The following TRPM3 variants were observed in gnomAD, a reference collection of about 807,000 sequenced individuals.
TRPM3 encodes the protein long transient receptor potential channel 3.
In TRPM3, 77 loss-of-function variants were observed where a neutral mutation model predicts 181.2. The observed-to-expected ratio is 0.42, with a 90% CI of 0.35 to 0.51. TRPM3 has a LOEUF of 0.51. Ranked by LOEUF, TRPM3 falls within the 20% of genes least tolerant of loss-of-function variation. The pLI, the probability that TRPM3 is intolerant of heterozygous loss-of-function variation, is 0.01. For synonymous variants in TRPM3, 745 were observed against 796.4 expected, an observed-to-expected ratio of 0.94 and a Z score of 1.09; for missense variants, 1,759 against 2,196.7, an observed-to-expected ratio of 0.80 and a Z score of 3.98.
chr9:70,949,544 ATT>A (rs74311989), intron 1 of TRPM3, among the ~76,000 whole-genome samples: 3 of 144,022 alleles, frequency 2.1e-5, no homozygotes, highest in Admixed American at 7.0e-5. Flanking sequence ...TTTGAATGTA[ATT>A]TTTTTTTTTT....
chr9:70,778,526 A>T (rs895247990), intron 7 of TRPM3, among the ~76,000 whole-genome samples: 2 of 152,200 alleles, frequency 1.3e-5, no homozygotes, highest in Non-Finnish European at 2.9e-5. Flanking sequence ...TTGTCTGTAC[A>T]AGGTGTTTCC....
At chr9:71,314,895 G>C (rs538077994) in intron 1 of TRPM3, among the ~76,000 whole-genome samples, 1 of 151,778 alleles carries the variant, frequency 6.6e-6, no homozygotes, top group Admixed American at 6.6e-5. Context: ...TCAACGTTCA[G>C]AGGCAGCGTG....
chr9:71,019,983 A>G (rs2097829170), intron 1 of TRPM3, among the ~76,000 whole-genome samples: 2 of 152,182 alleles, frequency 1.3e-5, no homozygotes, highest in Non-Finnish European at 2.9e-5. Context: ...TTGGATACTC[A>G]CATGGGAAAA....
chr9:71,172,240 C>A (rs557413987), intron 1 of TRPM3, among the ~76,000 whole-genome samples: 1 of 152,110 alleles, frequency 6.6e-6, no homozygotes, highest in East Asian at 1.9e-4. Flanking sequence ...GGCTCCTGAA[C>A]TGAGTCTTGA....
intron 1 of TRPM3, among the ~76,000 whole-genome samples, chr9:71,271,497 T>C (rs1020647248): frequency 1.3e-5 from 2 of 152,118 alleles, no homozygotes; most frequent in South Asian, 4.1e-4. Context: ...CGGGTACTCA[T>C]ATAAATCCCT....
chr9:70,680,756 A>C (rs940138803), intron 9 of TRPM3, among the ~76,000 whole-genome samples: 2 of 152,210 alleles, frequency 1.3e-5, no homozygotes, highest in African/African-American at 4.8e-5. Context: ...TGAACAGGAG[A>C]AACTTCCTTC....
At chr9:70,762,143 G>A (rs1199313216) in intron 7 of TRPM3, among the ~76,000 whole-genome samples, 1 of 152,098 alleles carries the variant, frequency 6.6e-6, no homozygotes, top group African/African-American at 2.4e-5. Context: ...GCAGCGTCAT[G>A]TCTAATTGTG....
At chr9:71,287,456 T>C (rs2085393023) in intron 1 of TRPM3, among the ~76,000 whole-genome samples, 1 of 152,052 alleles carries the variant, frequency 6.6e-6, no homozygotes. Flanking sequence ...GTAATTTATC[T>C]GTACTCATGG....
intron 1 of TRPM3, among the ~76,000 whole-genome samples, chr9:71,295,489 A>C (rs1020163464): frequency 4.0e-5 from 6 of 150,766 alleles, no homozygotes; most frequent in Non-Finnish European, 7.4e-5. Context: ...TTTTTAACAA[A>C]AGTATAACTT....
rs181818041 is a variant in TRPM3, at chr9:70,616,230, G to A, written c.2359-155C>T. On this transcript the variant is annotated intron_variant, in intron 17 of 25. Transcript: ENST00000677713. ...CACAGTTGTTATATGCTCTGTGGGG[G>A]ACCTGGACATCTGAGTAACTAACAT... Among the ~76,000 whole-genome samples the A allele has an allele frequency of 3.4e-3, 511 of 152,132 alleles. 3 individuals carry two copies. Among genetic ancestry groups the A allele is most frequent in the Non-Finnish European group, 5.5e-3 (377 of 67,984 alleles).
At chr9:71,187,172 A>C (rs2077727560) in intron 1 of TRPM3, among the ~76,000 whole-genome samples, 1 of 152,048 alleles carries the variant, frequency 6.6e-6, no homozygotes, top group African/African-American at 2.4e-5. Flanking sequence ...TTCATAGATT[A>C]GATCAAGTTA....
At chr9:71,151,162 A>G (rs538231694) in intron 1 of TRPM3, among the ~76,000 whole-genome samples, 5 of 152,200 alleles carry the variant, frequency 3.3e-5, no homozygotes, top group Non-Finnish European at 7.4e-5. Flanking sequence ...TTGAATAGGT[A>G]AAAATCTAAA....
At chr9:70,655,325 A>AAAAAAG (rs1564725863) in intron 9 of TRPM3, among the ~76,000 whole-genome samples, 57 of 149,666 alleles carry the variant, frequency 3.8e-4, no homozygotes, top group African/African-American at 1.2e-3. Flanking sequence ...AAAAAAAAAA[A>AAAAAAG]AAAAAGAAAA....
At chr9:71,163,085 G>C (rs750512333) in intron 1 of TRPM3, among the ~76,000 whole-genome samples, 17 of 152,160 alleles carry the variant, frequency 1.1e-4, no homozygotes, top group Non-Finnish European at 2.4e-4. Flanking sequence ...TTATGTTCAT[G>C]CTAATGAAAT....
chr9:71,390,291 G>GT (rs751099786), intron 1 of TRPM3, among the ~76,000 whole-genome samples: 1 of 152,074 alleles, frequency 6.6e-6, no homozygotes, highest in East Asian at 1.9e-4. Flanking sequence ...AATTTACTAT[G>GT]TTTTTTATAC....
At chr9:71,079,501 T>C (rs2063924242) in intron 1 of TRPM3, among the ~76,000 whole-genome samples, 1 of 152,190 alleles carries the variant, frequency 6.6e-6, no homozygotes, top group Admixed American at 6.5e-5. Flanking sequence ...AGGAGATTTG[T>C]TTATTTATTT....
intron 8 of TRPM3, among the ~76,000 whole-genome samples, chr9:70,694,019 T>C (rs180877547): frequency 7.7e-4 from 117 of 152,360 alleles, no homozygotes; most frequent in African/African-American, 2.8e-3. Flanking sequence ...TTCTTGCCCC[T>C]TTGGCACCTT....
intron 6 of TRPM3, among the ~76,000 whole-genome samples, chr9:70,794,063 G>A (rs1303927274): frequency 6.6e-6 from 1 of 152,076 alleles, no homozygotes; most frequent in Non-Finnish European, 1.5e-5. Flanking sequence ...GGACTTGAGG[G>A]TCCTTCATAT....
intron 1 of TRPM3, among the ~76,000 whole-genome samples, chr9:70,967,401 T>TA (rs397775712): frequency 1.8e-4 from 27 of 151,332 alleles, no homozygotes; most frequent in Admixed American, 9.9e-4. Context: ...TGTTTTTTTT[T>TA]AAATTTTTTA....
Sources: allele counts gnomAD v4.1 joint callset (sites outside exome capture counted in the v4.1 genomes callset), GRCh38; gene constraint gnomAD v4.1.1; transcripts MANE v1.5; gene names NCBI Gene and HGNC (gene_info 2026-07-23, HGNC 2026-07-21).